Variants in FRMD8 observed in about 807,000 individuals in gnomAD.
The protein encoded by FRMD8 is FERM domain-containing protein 8.
In FRMD8, 37 loss-of-function variants were observed where a neutral mutation model predicts 54.2. The ratio of observed to expected loss-of-function variants is 0.68; its 90% CI spans 0.53 to 0.90. The LOEUF (loss-of-function observed/expected upper bound fraction) is 0.90, where lower values mean the gene tolerates loss of function less well. FRMD8 is among the 40% of genes least tolerant of loss of function. The pLI is 0.00. For missense variants in FRMD8, 585 were observed against 653.7 expected, an observed-to-expected ratio of 0.89 and a Z score of 1.15; for synonymous variants, 246 against 286.9, an observed-to-expected ratio of 0.86 and a Z score of 1.44.
upstream of FRMD8, chr11:65,383,001 G>C (rs1855647528): frequency 6.6e-6 from 1 of 152,294 alleles, no homozygotes; most frequent in Admixed American, 6.5e-5. Flanking sequence ...TGGGTGTTCT[G>C]TGCACAGCGG....
intron 3 of FRMD8, among the ~76,000 whole-genome samples, chr11:65,389,835 C>T (rs1720411875): frequency 6.6e-6 from 1 of 152,152 alleles, no homozygotes; most frequent in South Asian, 2.1e-4. Context: ...GGAAGGGGGC[C>T]TTGTCTGCCG....
chr11:65,386,971 CT>C (rs1445345064), intron 1 of FRMD8, 65 bp from the exon 2 acceptor site: 1 of 1,415,592 alleles, frequency 7.1e-7, no homozygotes, highest in African/African-American at 1.4e-5. Flanking sequence ...TCACCGAGAG[CT>C]TGAGGAGACC....
Position 65,396,867 on chromosome 11 carries a change from G to A in FRMD8, c.650G>A (p.Arg217Gln), listed in dbSNP as rs992966107. The A allele has an allele frequency of 8.3e-6, 13 of 1,557,180 alleles. No individual in the cohort carries two copies. Among genetic ancestry groups the A allele is most frequent in the Non-Finnish European group, 1.1e-5 (13 of 1,151,950 alleles). ...GGCCAGAGTCTCTTTGCTGCCCTCC[G>A]GGGCCGTGGGGCCAGGGCCGGGCCG... Reference protein sequence around the residue: ...KRGQSLFAALRGRGARAGPGE... With the variant: ...KRGQSLFAALQGRGARAGPGE... The change falls in exon 7 of 11, where the codon CGG becomes CAG. Residue 217 changes from arginine (R) to glutamine (Q), a missense_variant. Transcript: ENST00000317568.
chr11:65,389,611 C>A, intron 3 of FRMD8, 83 bp downstream of exon 3: 1 of 1,397,976 alleles, frequency 7.2e-7, no homozygotes, highest in Non-Finnish European at 9.6e-7. Context: ...GTGTTTGGAG[C>A]CGCTGGGGAG....
upstream of FRMD8, chr11:65,382,848 G>C (rs1855643043): frequency 6.6e-6 from 1 of 152,258 alleles, no homozygotes; most frequent in African/African-American, 2.4e-5. The surrounding 1 kb of genome is among the most constrained non-coding windows in gnomAD (Gnocchi z 4.4). Flanking sequence ...CACCCCTCCA[G>C]CTGGGGCTCA....
In FRMD8 at chr11:65,404,051, G is replaced by T. The variant is rs944609568; in HGVS notation, c.1072-813G>T. ...TCTGCTCTTCCTTCTGGGCCGAGCA[G>T]CGGTGCCCACCTGCCCAGCCCAGAG... On this transcript the variant is annotated intron_variant, in intron 9 of 10. Coordinates refer to ENST00000317568, the MANE Select transcript of FRMD8 (RefSeq NM_031904.5). This position sits in a 1 kb window ranked among gnomAD's most constrained non-coding sequence, Gnocchi z 4.7. Among the ~76,000 whole-genome samples, 1 of 152,184 alleles carries T rather than the reference G, an allele frequency of 6.6e-6. No homozygotes were observed. The highest frequency in any genetic ancestry group is 2.4e-5 in the African/African-American group (1 of 41,438).
At chr11:65,372,132 G>T in the FRMD8 span, among the ~76,000 whole-genome samples, 1 of 151,404 alleles carries the variant, frequency 6.6e-6, no homozygotes, top group Non-Finnish European at 1.5e-5. Flanking sequence ...GGCTGGTCTC[G>T]AACTCCTGAC....
the FRMD8 span, chr11:65,379,442 C>A: frequency 6.2e-7 from 1 of 1,613,982 alleles, no homozygotes; most frequent in Admixed American, 1.7e-5. Context: ...GGGCCCGCCG[C>A]TCCTGGTGGG....
In FRMD8 at chr11:65,396,961, C is replaced by T. The variant is rs550946543; in HGVS notation, c.744C>T (p.Ala248=). 105 of 1,511,862 alleles carry T rather than the reference C, an allele frequency of 6.9e-5. No individual in the cohort carries two copies. Among genetic ancestry groups the T allele is most frequent in the South Asian group, 4.0e-4 (32 of 79,332 alleles). 93.7% of individuals were successfully genotyped at this position (1,511,862 alleles called of 1,614,324 possible). Residue 248 remains alanine, a synonymous_variant, in exon 7 of 11, where the codon GCC becomes GCT. Coordinates refer to ENST00000317568, the MANE Select transcript of FRMD8 (RefSeq NM_031904.5). ...TCAGCAGCGACGGCGGGTGCGAGGC[C>T]GCCCTGGGCACCCACTACCGCGCCT... ...QEVSSDGGCE[A]ALGTHYRAYL...
At chr11:65,383,765 A>AAAAC (rs1450102245), upstream of FRMD8, 5 of 104,334 alleles carry the variant, frequency 4.8e-5, no homozygotes, top group South Asian at 2.8e-4. Context: ...CTCAAAAAAA[A>AAAAC]AAAACAAACA....
In FRMD8 at chr11:65,397,024, A is replaced by C; in HGVS notation, c.803+4A>C. ...GCCACGAGCTGCCGTTTTATGGGTAAGAGCCACAGCCCCGCGGTCCCCCAC... is the reference window on the plus strand; with the variant it reads ...GCCACGAGCTGCCGTTTTATGGGTACGAGCCACAGCCCCGCGGTCCCCCAC... On this transcript the variant is annotated splice_donor_region_variant and intron_variant, in intron 7 of 10. Transcript: ENST00000317568. 2 of 1,432,904 alleles carry C rather than the reference A, an allele frequency of 1.4e-6. No individual in the cohort carries two copies. Among genetic ancestry groups the C allele is most frequent in the South Asian group, 1.4e-5 (1 of 69,406 alleles). 88.8% of individuals were successfully genotyped at this position (1,432,904 alleles called of 1,614,324 possible). A position where few individuals can be genotyped will look rare whatever the true frequency, so the allele number is the denominator to read the frequency against.
chr11:65,401,189 G>A (rs895281117), intron 9 of FRMD8, among the ~76,000 whole-genome samples: 7 of 152,000 alleles, frequency 4.6e-5, no homozygotes, highest in African/African-American at 1.7e-4. Context: ...GTGCTGTTGT[G>A]ACCCTATTCA....
chr11:65,411,650 C>T lies in FRMD8; in HGVS notation c.*290C>T, dbSNP rs1268800942. Reference sequence around the variant, plus strand: ...ATCCGATCAAGCTGCAGCTGCCACCCTCACCTAGAAACATGCCTTTGTGCC... The same window carrying T: ...ATCCGATCAAGCTGCAGCTGCCACCTTCACCTAGAAACATGCCTTTGTGCC... On this transcript the variant is annotated 3_prime_UTR_variant, in exon 11 of 11. Coordinates refer to ENST00000317568, the MANE Select transcript of FRMD8 (RefSeq NM_031904.5). 2.6e-5 allele frequency: 8 copies of T among 312,164 alleles called. No individual in the cohort carries two copies. The highest frequency in any genetic ancestry group is 4.7e-5 in the Non-Finnish European group (8 of 168,594). 19.3% of individuals were successfully genotyped at this position (312,164 alleles called of 1,614,324 possible). A position where few individuals can be genotyped will look rare whatever the true frequency, so the allele number is the denominator to read the frequency against.
chr11:65,400,011 T>A lies in FRMD8; in HGVS notation c.927+152T>A. On this transcript the variant is annotated intron_variant, in intron 8 of 10. Transcript: ENST00000317568. The surrounding 1 kb of genome is among the most constrained non-coding windows in gnomAD (Gnocchi z 4.3). Reference sequence around the variant, plus strand: ...CTCCGTTGGATGTCCTCGTAGCCCCTGAGGGTGATCCTGGGTCCTCTTGCC... The same window carrying A: ...CTCCGTTGGATGTCCTCGTAGCCCCAGAGGGTGATCCTGGGTCCTCTTGCC... The A allele has an allele frequency of 1.1e-6, 1 of 915,690 alleles. No homozygotes were observed. The highest frequency in any genetic ancestry group is 1.6e-6 in the Non-Finnish European group (1 of 622,784). The allele number at this position is 915,690 out of a possible 1,614,324, so 56.7% of individuals were successfully genotyped here.
At chr11:65,376,615 G>T in the FRMD8 span, 9 of 1,614,004 alleles carry the variant, frequency 5.6e-6, no homozygotes, top group Non-Finnish European at 6.8e-6. Context: ...GTCTAAGGGC[G>T]TGGCTGCCAC....
chr11:65,407,500 C>A (rs991007477), intron 10 of FRMD8, among the ~76,000 whole-genome samples: 1 of 151,938 alleles, frequency 6.6e-6, no homozygotes, highest in Non-Finnish European at 1.5e-5. Flanking sequence ...GATCTGCTCA[C>A]CTTGGACTAC....
chr11:65,408,201 A>C (rs1247907930), intron 10 of FRMD8, among the ~76,000 whole-genome samples: 3 of 151,508 alleles, frequency 2.0e-5, no homozygotes, highest in Non-Finnish European at 2.9e-5. Context: ...CAGGCTCCCA[A>C]GTATCTGGGA....
intron 7 of FRMD8, among the ~76,000 whole-genome samples, chr11:65,399,379 G>A (rs546010776): frequency 6.6e-6 from 1 of 152,052 alleles, no homozygotes; most frequent in Admixed American, 6.5e-5. Context: ...AAAGGTCTCC[G>A]CCTGGACAGT....
chr11:65,403,853 G>A (rs142429031), intron 9 of FRMD8, among the ~76,000 whole-genome samples: 303 of 152,340 alleles, frequency 2.0e-3, no homozygotes, highest in African/African-American at 7.0e-3. Flanking sequence ...AGGAGTTTTT[G>A]TTCTAGGAAA....
Sources: allele counts gnomAD v4.1 joint callset (sites outside exome capture counted in the v4.1 genomes callset), GRCh38; gene constraint gnomAD v4.1.1; non-coding constraint Gnocchi (gnomAD v3.1); transcripts MANE v1.5; gene names NCBI Gene and HGNC (gene_info 2026-07-23, HGNC 2026-07-21).